Variants in IQCM observed in about 807,000 individuals in gnomAD.
The protein encoded by IQCM is IQ domain-containing protein M.
IQCM carries 45 observed loss-of-function variants against 57.6 expected under a neutral mutation model. The ratio of observed to expected loss-of-function variants is 0.78; its 90% CI spans 0.62 to 1.00. The LOEUF is 1.00. IQCM is among the 50% of genes least tolerant of loss of function. The pLI, the probability that IQCM is intolerant of heterozygous loss-of-function variation, is 0.00. For missense variants in IQCM, 468 were observed against 511.6 expected, an observed-to-expected ratio of 0.91 and a Z score of 0.82; for synonymous variants, 148 against 158.9, an observed-to-expected ratio of 0.93 and a Z score of 0.51.
intron 12 of IQCM, among the ~76,000 whole-genome samples, chr4:149,440,242 C>CA (rs1735804066): frequency 6.8e-6 from 1 of 147,760 alleles, no homozygotes; most frequent in Non-Finnish European, 1.5e-5. Flanking sequence ...GCTGAGATTA[C>CA]AGGCGTGAGC....
At chr4:149,551,421 A>G (rs1749017424) in intron 11 of IQCM, among the ~76,000 whole-genome samples, 1 of 152,224 alleles carries the variant, frequency 6.6e-6, no homozygotes, top group African/African-American at 2.4e-5. Flanking sequence ...AATCTGCATT[A>G]CAAATTGAGA....
intron 5 of IQCM, among the ~76,000 whole-genome samples, chr4:149,713,213 C>A (rs555218328): frequency 2.0e-5 from 3 of 151,546 alleles, no homozygotes; most frequent in Admixed American, 6.6e-5. Flanking sequence ...AACGCTGGAC[C>A]CCCTACCAGG....
chr4:149,667,992 G>C (rs1169520337), intron 7 of IQCM, among the ~76,000 whole-genome samples: 1 of 152,040 alleles, frequency 6.6e-6, no homozygotes, highest in African/African-American at 2.4e-5. Context: ...AATCAAGTTG[G>C]AAAACACTCT....
intron 2 of IQCM, among the ~76,000 whole-genome samples, chr4:149,790,533 T>C (rs1231125702): frequency 1.3e-5 from 2 of 152,232 alleles, no homozygotes; most frequent in Admixed American, 6.5e-5. Context: ...AGTGGCCTCA[T>C]TTTGTAAGTT....
At chr4:149,459,327 G>A (rs113300833) in intron 12 of IQCM, among the ~76,000 whole-genome samples, 2 of 152,212 alleles carry the variant, frequency 1.3e-5, no homozygotes, top group African/African-American at 4.8e-5. Flanking sequence ...GCACTTGGCA[G>A]GTAATCACTA....
At chr4:149,622,004 C>T (rs1475025653) in intron 7 of IQCM, among the ~76,000 whole-genome samples, 8 of 152,040 alleles carry the variant, frequency 5.3e-5, no homozygotes, top group Non-Finnish European at 1.0e-4. Context: ...CTGAAACTTT[C>T]AATTTAATAA....
At chr4:149,761,123 C>G (rs1030655952) in intron 2 of IQCM, among the ~76,000 whole-genome samples, 12 of 152,022 alleles carry the variant, frequency 7.9e-5, no homozygotes, top group Non-Finnish European at 2.9e-5. Context: ...TACGCCAGCA[C>G]GTGAAACTAA....
intron 5 of IQCM, among the ~76,000 whole-genome samples, chr4:149,709,835 T>C (rs1764430122): frequency 1.3e-5 from 2 of 152,280 alleles, no homozygotes; most frequent in Admixed American, 6.5e-5. Context: ...AAGCTGCTCC[T>C]GCAAGGAGTG....
chr4:149,502,248 T>C (rs1579283072), intron 12 of IQCM, among the ~76,000 whole-genome samples: 1 of 152,206 alleles, frequency 6.6e-6, no homozygotes, highest in East Asian at 1.9e-4. Flanking sequence ...ATCTGTCAAT[T>C]TTGTACTCAC....
intron 12 of IQCM, among the ~76,000 whole-genome samples, chr4:149,502,129 A>AT (rs745685313): frequency 3.8e-4 from 57 of 150,296 alleles, no homozygotes; most frequent in Non-Finnish European, 7.0e-4. Flanking sequence ...TCAATGAATA[A>AT]TTTTTTATAA....
intron 5 of IQCM, among the ~76,000 whole-genome samples, chr4:149,689,968 G>C (rs1359370076): frequency 1.3e-5 from 2 of 152,154 alleles, no homozygotes; most frequent in African/African-American, 2.4e-5. Flanking sequence ...TGGTGGGAAT[G>C]TAAACTAATA....
At chr4:149,436,103 A>G (rs757368758) in intron 12 of IQCM, among the ~76,000 whole-genome samples, 3 of 152,094 alleles carry the variant, frequency 2.0e-5, no homozygotes, top group Non-Finnish European at 4.4e-5. Context: ...CAACTCACCT[A>G]GAGCAAATTT....
intron 2 of IQCM, among the ~76,000 whole-genome samples, chr4:149,800,490 G>C (rs1403400105): frequency 6.6e-6 from 1 of 151,894 alleles, no homozygotes; most frequent in African/African-American, 2.4e-5. Context: ...GGAAGTCCTA[G>C]CTAGAGCAAT....
At chr4:149,671,331 C>A (rs1312534081) in intron 7 of IQCM, among the ~76,000 whole-genome samples, 1 of 151,882 alleles carries the variant, frequency 6.6e-6, no homozygotes, top group Admixed American at 6.6e-5. Flanking sequence ...TGGTGATATC[C>A]CCTTTATCAT....
intron 2 of IQCM, among the ~76,000 whole-genome samples, chr4:149,801,560 A>T (rs1773604380): frequency 6.6e-6 from 1 of 152,076 alleles, no homozygotes; most frequent in Non-Finnish European, 1.5e-5. Flanking sequence ...CTATTCATCC[A>T]TAAAAAAATG....
At chr4:149,387,870 C>T (rs1429801150) in intron 13 of IQCM, among the ~76,000 whole-genome samples, 3 of 151,930 alleles carry the variant, frequency 2.0e-5, no homozygotes, top group Non-Finnish European at 2.9e-5. Flanking sequence ...CCTTAAGCAA[C>T]TGATAATCTG....
intron 8 of IQCM, among the ~76,000 whole-genome samples, chr4:149,606,245 G>A (rs1579673322): frequency 1.3e-5 from 2 of 152,146 alleles, no homozygotes; most frequent in Admixed American, 1.3e-4. Flanking sequence ...AGTACAGAGA[G>A]AGACTCCTTC....
chr4:149,664,301 T>C (rs1012038812), intron 7 of IQCM, among the ~76,000 whole-genome samples: 5 of 152,162 alleles, frequency 3.3e-5, no homozygotes, highest in Non-Finnish European at 5.9e-5. Context: ...ATAAGTATCC[T>C]TTTCTTTGGG....
intron 7 of IQCM, chr4:149,665,996 C>T (rs1760689034): frequency 6.6e-6 from 1 of 152,196 alleles, no homozygotes; most frequent in African/African-American, 2.4e-5. Context: ...TGGCCACAGA[C>T]AGAAGGCCGC....
Sources: allele counts gnomAD v4.1 joint callset (sites outside exome capture counted in the v4.1 genomes callset), GRCh38; gene constraint gnomAD v4.1.1; transcripts MANE v1.5; gene names NCBI Gene and HGNC (gene_info 2026-07-23, HGNC 2026-07-21).